Variants in OTUD5 observed in about 807,000 individuals in gnomAD.
OTUD5 encodes the protein OTU domain-containing protein 5.
In OTUD5, 2 loss-of-function variants were observed where a neutral mutation model predicts 36.3. That is an observed-to-expected ratio of 0.06 (90% CI 0.02 to 0.17). The LOEUF (loss-of-function observed/expected upper bound fraction) is 0.17, where lower values mean the gene tolerates loss of function less well. Ranked by LOEUF, OTUD5 falls within the 10% of genes least tolerant of loss-of-function variation. OTUD5 has a pLI of 1.00. For synonymous variants in OTUD5, 234 were observed against 214.9 expected (o/e 1.09, Z -0.78); for missense variants, 233 against 512.3 (o/e 0.45, Z 5.26).
chrX:48,923,433 T>C (rs1316756721), intron 8 of OTUD5, 138 bp from the exon 9 acceptor site: 13 of 584,135 alleles, frequency 2.2e-5, no homozygotes, highest in Non-Finnish European at 3.6e-5. Flanking sequence ...AAGGATCTGC[T>C]AGGCCTGTGA....
At chrX:48,948,508 A>C (rs145203648) in intron 1 of OTUD5, among the ~76,000 whole-genome samples, 3,655 of 112,025 alleles carry the variant, frequency 0.033, 161 homozygotes, top group African/African-American at 0.11. Context: ...CCATCCACAG[A>C]ATATCCTGGT....
intron 6 of OTUD5, among the ~76,000 whole-genome samples, chrX:48,925,379 G>A (rs1227854239): frequency 2.0e-5 from 2 of 101,615 alleles, no homozygotes; most frequent in Admixed American, 1.1e-4. Flanking sequence ...TGTCTGCCCC[G>A]CCCCTCCCCG....
chrX:48,922,499 C>T lies in OTUD5; in HGVS notation c.*675G>A. 3 of 753,814 alleles carry T rather than the reference C, an allele frequency of 4.0e-6. No homozygotes were observed. Among genetic ancestry groups the T allele is most frequent in the Non-Finnish European group, 4.7e-6 (3 of 638,456 alleles). 62.1% of individuals were successfully genotyped at this position (753,814 alleles called of 1,213,427 possible). A position where few individuals can be genotyped will look rare whatever the true frequency, so the allele number is the denominator to read the frequency against. On this transcript the variant is annotated 3_prime_UTR_variant, in exon 9 of 9. Coordinates refer to ENST00000376488, the MANE Select transcript of OTUD5 (RefSeq NM_001136157.2). The stretch of plus-strand genomic sequence containing the variant: ...TGCACACCCTAGACCCTGGGCCGGC[C>T]TCCATGCAGCTGGAGGCCAGAAGAC...
intron 2 of OTUD5, among the ~76,000 whole-genome samples, chrX:48,942,280 CAGAGAACAGCTAGCTAGAT>C (rs1213773181): frequency 1.7e-3 from 150 of 90,849 alleles, no homozygotes; most frequent in Middle Eastern, 5.2e-3. Context: ...CACACACACA[CAGAGAACAGCTAGCTAGAT>C]ACACACACAC....
chrX:48,955,589 G>A (rs1175756277), intron 1 of OTUD5, among the ~76,000 whole-genome samples: 5 of 110,684 alleles, frequency 4.5e-5, no homozygotes, highest in Non-Finnish European at 9.5e-5. Flanking sequence ...CTTAAAAGTA[G>A]GCAAAGATCT....
At chrX:48,930,708 C>T (rs1304751912) in intron 5 of OTUD5, among the ~76,000 whole-genome samples, 1 of 111,515 alleles carries the variant, frequency 9.0e-6, no homozygotes, top group Non-Finnish European at 1.9e-5. Context: ...CCTGTAATCC[C>T]TGCACTTTGG....
intron 1 of OTUD5, among the ~76,000 whole-genome samples, chrX:48,948,351 TCAAAAACAAAAA>T (rs1338994790): frequency 1.8e-5 from 2 of 110,275 alleles, no homozygotes; most frequent in African/African-American, 6.6e-5. Flanking sequence ...AGACTATGTC[TCAAAAACAAAAA>T]CAAAAACAAA....
intron 1 of OTUD5, among the ~76,000 whole-genome samples, chrX:48,954,316 G>A (rs1487815609): frequency 9.0e-6 from 1 of 110,786 alleles, no homozygotes; most frequent in African/African-American, 3.3e-5. Context: ...GGGGCATAAG[G>A]AAGTGTTTTT....
chrX:48,953,219 T>C (rs1483757664), intron 1 of OTUD5, among the ~76,000 whole-genome samples: 2 of 111,704 alleles, frequency 1.8e-5, no homozygotes, highest in Non-Finnish European at 3.8e-5. Flanking sequence ...ACAGGCCTCC[T>C]GACAGGAAAT....
Position 48,957,325 on chromosome X carries a change from C to G in OTUD5, c.246G>C (p.Ala82=), listed in dbSNP as rs782513788. ...PGPPGALHRW[A]LAVPPGAVAG... ...CCACTGCACCAGGCGGCACGGCCAG[C>G]GCCCAGCGATGAAGAGCGCCCGGCG... Residue 82 remains alanine, a synonymous_variant, in exon 1 of 9, where the codon GCG becomes GCC. Transcript: ENST00000376488. 1 of 1,133,229 alleles carries G rather than the reference C, an allele frequency of 8.8e-7. No homozygotes were observed. Among genetic ancestry groups the G allele is most frequent in the South Asian group, 2.0e-5 (1 of 49,984 alleles). The allele number at this position is 1,133,229 out of a possible 1,213,427, so 93.4% of individuals were successfully genotyped here.
chrX:48,946,109 C>T (rs781796556), intron 1 of OTUD5, among the ~76,000 whole-genome samples: 1 of 111,504 alleles, frequency 9.0e-6, no homozygotes, highest in East Asian at 2.8e-4. Flanking sequence ...CATTTTTCCC[C>T]AGCTCAAGCA....
chrX:48,957,439 G>T lies in OTUD5; in HGVS notation c.132C>A (p.Gly44=), dbSNP rs2064269527. 1 of 1,000,781 alleles carries T rather than the reference G, an allele frequency of 1.0e-6. No homozygotes were observed. The highest frequency in any genetic ancestry group is 1.3e-6 in the Non-Finnish European group (1 of 792,938). 82.5% of individuals were successfully genotyped at this position (1,000,781 alleles called of 1,213,427 possible). A position where few individuals can be genotyped will look rare whatever the true frequency, so the allele number is the denominator to read the frequency against. ...CACGGTCGCGATCGCCGCCGCCCACGCCCGTGCCGCCGCCGCCCACGCCCA... is the reference window on the plus strand; with the variant it reads ...CACGGTCGCGATCGCCGCCGCCCACTCCCGTGCCGCCGCCGCCCACGCCCA... The part of the protein sequence containing the change: ...GGVGVGGGGT[G]VGGGDRDRDS... The change falls in exon 1 of 9, where the codon GGC becomes GGA. Residue 44 remains glycine (G), a synonymous_variant. Transcript: ENST00000376488.
chrX:48,951,613 T>C (rs1430416007), intron 1 of OTUD5, among the ~76,000 whole-genome samples: 1 of 107,968 alleles, frequency 9.3e-6, no homozygotes, highest in African/African-American at 3.4e-5. Flanking sequence ...AGACTCCATC[T>C]CAAAAAAAAA....
At chrX:48,935,042 A>T in intron 2 of OTUD5, 24 bp from the exon 3 acceptor site, 1 of 1,176,101 alleles carries the variant, frequency 8.5e-7, no homozygotes, top group Non-Finnish European at 1.2e-6. Flanking sequence ...AGAAAGCAGC[A>T]GCTAGGGTCA....
intron 5 of OTUD5, among the ~76,000 whole-genome samples, chrX:48,931,748 C>T (rs2063755429): frequency 1.9e-5 from 2 of 104,856 alleles, no homozygotes; most frequent in Admixed American, 2.1e-4. Flanking sequence ...CATTGCACTC[C>T]AGCCTGGGTA....
At chrX:48,936,073 T>C (rs1430587776) in intron 2 of OTUD5, 1 of 109,514 alleles carries the variant, frequency 9.1e-6, no homozygotes, top group Non-Finnish European at 1.9e-5. Flanking sequence ...AATTCCTTCC[T>C]CCGTAGGGAG....
At chrX:48,930,776 C>T (rs969699961) in intron 5 of OTUD5, among the ~76,000 whole-genome samples, 1 of 110,874 alleles carries the variant, frequency 9.0e-6, no homozygotes, top group African/African-American at 3.3e-5. Context: ...GCCTGCCCAA[C>T]ATGGTGAAAC....
intron 8 of OTUD5, 98 bp downstream of exon 8, chrX:48,923,535 G>A: frequency 1.5e-6 from 1 of 652,281 alleles, no homozygotes; most frequent in Non-Finnish European, 2.4e-6. Context: ...TTGGGGAGAT[G>A]GCCAGAGGCT....
rs895962770 is a variant in OTUD5 at position 48,922,601 on chromosome X, G to A, written c.*573C>T. ...GAAAGATGCCACCTTCACAGAGCCA[G>A]TGCTGTCGTCTATATCATTTTTGAT... On this transcript the variant is annotated 3_prime_UTR_variant, in exon 9 of 9. Coordinates refer to ENST00000376488, the MANE Select transcript of OTUD5 (RefSeq NM_001136157.2). 15 of 751,305 alleles carry A rather than the reference G, an allele frequency of 2.0e-5. No homozygotes were observed. Among genetic ancestry groups the A allele is most frequent in the Non-Finnish European group, 6.3e-6 (4 of 636,969 alleles). 61.9% of individuals were successfully genotyped at this position (751,305 alleles called of 1,213,427 possible).
Sources: allele counts gnomAD v4.1 joint callset (sites outside exome capture counted in the v4.1 genomes callset), GRCh38; gene constraint gnomAD v4.1.1; transcripts MANE v1.5; gene names NCBI Gene and HGNC (gene_info 2026-07-23, HGNC 2026-07-21).